ZNF555: variants seen among roughly 807,000 people sequenced by gnomAD.
ZNF555 encodes the protein zinc finger protein 555.
In ZNF555, 10 loss-of-function variants were observed where a neutral mutation model predicts 14.0. That is an observed-to-expected ratio of 0.72 (90% CI 0.44 to 1.21). ZNF555 has a LOEUF of 1.21. Ranked by LOEUF, ZNF555 falls within the 50% of genes most tolerant of loss-of-function variation. ZNF555 has a pLI of 0.00. For synonymous variants in ZNF555, 277 were observed against 262.4 expected, an observed-to-expected ratio of 1.06 and a Z score of -0.54; for missense variants, 747 against 762.0, an observed-to-expected ratio of 0.98 and a Z score of 0.23.
At position 2,853,726 on chromosome 19, in the gene ZNF555, A is replaced by G. The variant is rs750348790; in HGVS notation, c.1661A>G (p.His554Arg). The G allele has an allele frequency of 1.9e-6, 3 of 1,589,512 alleles. No individual in the cohort carries two copies. The highest frequency in any genetic ancestry group is 1.7e-5 in the Admixed American group (1 of 57,546). Residue 554 changes from histidine (H) to arginine (R), a missense_variant, in exon 4 of 4, where the codon CAT becomes CGT. By Grantham distance (29) the His-to-Arg change is conservative. Coordinates refer to ENST00000334241, the MANE Select transcript of ZNF555 (RefSeq NM_152791.5). Reference protein sequence around the residue: ...VFKWPSSLPIHMRLHTGEKPY... With the variant: ...VFKWPSSLPIRMRLHTGEKPY... Reference sequence around the variant, plus strand: ...AAATGGCCATCATCTTTACCAATACATATGAGACTGCACACTGGAGAGAAA... The same window carrying G: ...AAATGGCCATCATCTTTACCAATACGTATGAGACTGCACACTGGAGAGAAA...
At chr19:2,841,599 C>A (rs2087536235) in intron 1 of ZNF555, 24 bp downstream of exon 1, 2 of 1,519,512 alleles carry the variant, frequency 1.3e-6, no homozygotes, top group Non-Finnish European at 1.8e-6. Flanking sequence ...AGGAGAGGAT[C>A]CCGGTGCGGG....
At position 2,853,075 on chromosome 19, in the gene ZNF555, A is replaced by G. The variant is rs778642066; in HGVS notation, c.1010A>G (p.Glu337Gly). Residue 337 changes from glutamate to glycine, a missense_variant, in exon 4 of 4, where the codon GAG (glutamate) becomes GGG (glycine). Transcript: ENST00000334241. The part of the protein sequence containing the change: ...FRRHMITHTG[E>G]KPYECKQCGK... ...AGACACATGATAACACACACTGGAG[A>G]GAAACCCTACGAATGCAAACAATGT... 1 of 1,614,212 alleles carries G rather than the reference A, an allele frequency of 6.2e-7. No homozygotes were observed. Among genetic ancestry groups the G allele is most frequent in the Non-Finnish European group, 8.5e-7 (1 of 1,180,024 alleles).
chr19:2,850,664 C>T lies in ZNF555; in HGVS notation c.81C>T (p.Asp27=). Residue 27 remains aspartate (D), a synonymous_variant, in exon 2 of 4, where the codon GAC becomes GAT. Coordinates refer to ENST00000334241, the MANE Select transcript of ZNF555 (RefSeq NM_152791.5). ...CTTTGCTGGATTCTGCTCAGAGGGACCTCTACAGAGATGTGATGCTGGAGA... is the reference window on the plus strand; with the variant it reads ...CTTTGCTGGATTCTGCTCAGAGGGATCTCTACAGAGATGTGATGCTGGAGA... ...EWALLDSAQR[D]LYRDVMLETF... is the part of the protein sequence containing the mutation. 1 of 1,613,858 alleles carries T rather than the reference C, an allele frequency of 6.2e-7. No individual in the cohort carries two copies.
At chr19:2,850,486 G>C (rs2079438085) in intron 1 of ZNF555, 101 bp from the exon 2 acceptor site, 3 of 1,505,468 alleles carry the variant, frequency 2.0e-6, no homozygotes, top group Non-Finnish European at 2.7e-6. Context: ...GTAGATGTCA[G>C]GGAATCACAG....
Position 2,855,080 on chromosome 19 carries a change from G to T in ZNF555, c.*1128G>T, listed in dbSNP as rs1480145680. On this transcript the variant is annotated 3_prime_UTR_variant, in exon 4 of 4. Transcript: ENST00000334241. ...AACACATGGGACTTTGTACCCTATT[G>T]CATTTTTAAGTGTGCCTGCCGAGTC... The T allele has an allele frequency of 6.6e-6, 1 of 152,100 alleles. No homozygotes were observed. 9.4% of individuals were successfully genotyped at this position (152,100 alleles called of 1,614,324 possible).
At position 2,859,150 on chromosome 19, in the gene ZNF555, G is replaced by T. The variant is rs894000465; in HGVS notation, c.*5198G>T. The T allele has an allele frequency of 5.2e-5, 8 of 152,382 alleles. No homozygotes were observed. The highest frequency in any genetic ancestry group is 1.9e-4 in the African/African-American group (8 of 41,600). 9.4% of individuals were successfully genotyped at this position (152,382 alleles called of 1,614,324 possible). A position where few individuals can be genotyped will look rare whatever the true frequency, so the allele number is the denominator to read the frequency against. On this transcript the variant is annotated 3_prime_UTR_variant, in exon 4 of 4. Transcript: ENST00000334241. Reference sequence around the variant, plus strand: ...AGACTGTTCCCAGGATGCAACACGGGCTCGCGTCTAAAAGAGCTGTGCTTT... The same window carrying T: ...AGACTGTTCCCAGGATGCAACACGGTCTCGCGTCTAAAAGAGCTGTGCTTT...
Position 2,852,501 on chromosome 19 carries a change from A to C in ZNF555, c.436A>C (p.Asn146His). 6.2e-7 allele frequency: 1 copy of C among 1,614,112 alleles called. No individual in the cohort carries two copies. Among genetic ancestry groups the C allele is most frequent in the Non-Finnish European group, 8.5e-7 (1 of 1,180,040 alleles). Residue 146 changes from asparagine (N) to histidine (H), a missense_variant, in exon 4 of 4, where the codon AAC (asparagine) becomes CAC (histidine). Coordinates refer to ENST00000334241, the MANE Select transcript of ZNF555 (RefSeq NM_152791.5). ...IPPGVKQYEY[N>H]TYGKVFMHRR... ...ACCTGGAGTAAAACAGTATGAATAC[A>C]ACACGTACGGAAAAGTCTTCATGCA...
intron 1 of ZNF555, among the ~76,000 whole-genome samples, chr19:2,842,139 G>A (rs907411922): frequency 6.6e-6 from 1 of 152,080 alleles, no homozygotes; most frequent in African/African-American, 2.4e-5. Context: ...GGTTCCTCCC[G>A]GGACAGCCCG....
In ZNF555 at chr19:2,858,254, C is replaced by G. The variant is rs1204006921; in HGVS notation, c.*4302C>G. 1.3e-5 allele frequency: 2 copies of G among 152,250 alleles called. No individual in the cohort carries two copies. The highest frequency in any genetic ancestry group is 1.3e-4 in the Admixed American group (2 of 15,272). 9.4% of individuals were successfully genotyped at this position (152,250 alleles called of 1,614,324 possible). On this transcript the variant is annotated 3_prime_UTR_variant, in exon 4 of 4. Coordinates refer to ENST00000334241, the MANE Select transcript of ZNF555 (RefSeq NM_152791.5). Reference sequence around the variant, plus strand: ...GAAATGTAGGGCTGGTTGACAAGGACTTGTGCCTCGTCAGACCCTGTTTGA... The same window carrying G: ...GAAATGTAGGGCTGGTTGACAAGGAGTTGTGCCTCGTCAGACCCTGTTTGA...
intron 1 of ZNF555, among the ~76,000 whole-genome samples, 179 bp from the exon 2 acceptor site, chr19:2,850,408 G>A (rs976198161): frequency 6.6e-6 from 1 of 152,212 alleles, no homozygotes; most frequent in Non-Finnish European, 1.5e-5. Context: ...GTGTGTTAAT[G>A]GTCCTGTGAA....
intron 1 of ZNF555, among the ~76,000 whole-genome samples, chr19:2,847,987 T>C (rs1413178690): frequency 1.3e-5 from 2 of 152,078 alleles, no homozygotes; most frequent in East Asian, 1.9e-4. Context: ...CTCCCCAGGG[T>C]TTACCTAAAG....
intron 1 of ZNF555, among the ~76,000 whole-genome samples, chr19:2,845,808 A>ATT (rs139022428): frequency 6.6e-6 from 1 of 151,880 alleles, no homozygotes; most frequent in African/African-American, 2.4e-5. Context: ...CCCCGTTACT[A>ATT]TTTTTTTACT....
At chr19:2,846,948 T>A (rs1466917728) in intron 1 of ZNF555, among the ~76,000 whole-genome samples, 1 of 152,208 alleles carries the variant, frequency 6.6e-6, no homozygotes, top group Non-Finnish European at 1.5e-5. Context: ...ATTGCCTCTC[T>A]TTTCATTTGT....
chr19:2,857,178 A>C lies in ZNF555; in HGVS notation c.*3226A>C, dbSNP rs1313363768. Reference sequence around the variant, plus strand: ...AATCTCCATTACTTTCCATGTTAACATAAGTTTTCATAACGCTCTATAGAT... The same window carrying C: ...AATCTCCATTACTTTCCATGTTAACCTAAGTTTTCATAACGCTCTATAGAT... On this transcript the variant is annotated 3_prime_UTR_variant, in exon 4 of 4. Transcript: ENST00000334241. 6.6e-6 allele frequency: 1 copy of C among 152,248 alleles called. No homozygotes were observed. The highest frequency in any genetic ancestry group is 2.1e-4 in the South Asian group (1 of 4,838). 9.4% of individuals were successfully genotyped at this position (152,248 alleles called of 1,614,324 possible).
intron 1 of ZNF555, among the ~76,000 whole-genome samples, chr19:2,842,528 A>C (rs1011727171): frequency 8.5e-5 from 13 of 152,128 alleles, no homozygotes; most frequent in African/African-American, 3.1e-4. Flanking sequence ...GTTCCCTAGA[A>C]AGTGTGGATT....
Position 2,852,504 on chromosome 19 carries a change from A to G in ZNF555, c.439A>G (p.Thr147Ala), listed in dbSNP as rs763159251. 1 of 1,614,050 alleles carries G rather than the reference A, an allele frequency of 6.2e-7. No individual in the cohort carries two copies. The highest frequency in any genetic ancestry group is 8.5e-7 in the Non-Finnish European group (1 of 1,180,022). Residue 147 changes from threonine (T) to alanine (A), a missense_variant, in exon 4 of 4, where the codon ACG (threonine) becomes GCG (alanine). By Grantham distance (58) the Thr-to-Ala change is moderately conservative. Coordinates refer to ENST00000334241, the MANE Select transcript of ZNF555 (RefSeq NM_152791.5). ...TGGAGTAAAACAGTATGAATACAAC[A>G]CGTACGGAAAAGTCTTCATGCATCG... is the stretch of plus-strand genomic sequence containing the variant. The part of the protein sequence containing the change: ...PPGVKQYEYN[T>A]YGKVFMHRRT...
chr19:2,842,432 G>T (rs1239345983), intron 1 of ZNF555, among the ~76,000 whole-genome samples: 1 of 152,256 alleles, frequency 6.6e-6, no homozygotes, highest in African/African-American at 2.4e-5. Context: ...GGACGCCCGG[G>T]AGGCTGGTGC....
At position 2,842,283 on chromosome 19, in the gene ZNF555, C is replaced by T. The variant is rs532285802; in HGVS notation, c.3+708C>T. On this transcript the variant is annotated intron_variant, in intron 1 of 3. Coordinates refer to ENST00000334241, the MANE Select transcript of ZNF555 (RefSeq NM_152791.5). Reference sequence around the variant, plus strand: ...CTTGTCCCCTCTGACCCCAAGATGCCTGGGGTAGGTAAGGGGAAAAAAAAC... The same window carrying T: ...CTTGTCCCCTCTGACCCCAAGATGCTTGGGGTAGGTAAGGGGAAAAAAAAC... 1.8e-3 allele frequency among the ~76,000 whole-genome samples: 279 copies of T among 152,306 alleles called. 1 individual carries two copies. The South Asian group carries it at 0.019, about 10-fold the overall frequency.
chr19:2,853,707 C>A lies in ZNF555; in HGVS notation c.1642C>A (p.Pro548Thr). 6.3e-7 allele frequency: 1 copy of A among 1,578,312 alleles called. No individual in the cohort carries two copies. Among genetic ancestry groups the A allele is most frequent in the Non-Finnish European group, 8.6e-7 (1 of 1,163,538 alleles). ...GGAATGTGGGAAGGTCTTCAAATGG[C>A]CATCATCTTTACCAATACATATGAG... ...CKECGKVFKW[P>T]SSLPIHMRLH... Residue 548 changes from proline (P) to threonine (T), a missense_variant, in exon 4 of 4, where the codon CCA becomes ACA. Pro to Thr is a conservative substitution (Grantham distance 38, BLOSUM62 -1). Coordinates refer to ENST00000334241, the MANE Select transcript of ZNF555 (RefSeq NM_152791.5).
Sources: allele counts gnomAD v4.1 joint callset (sites outside exome capture counted in the v4.1 genomes callset), GRCh38; gene constraint gnomAD v4.1.1; transcripts MANE v1.5; gene names NCBI Gene and HGNC (gene_info 2026-07-23, HGNC 2026-07-21).